Variants in CD84 observed in about 807,000 individuals in gnomAD.
CD84 encodes the protein CD84 molecule.
CD84 carries 22 observed loss-of-function variants against 33.8 expected under a neutral mutation model. The ratio of observed to expected loss-of-function variants is 0.65; its 90% confidence interval spans 0.46 to 0.93. CD84 has a LOEUF of 0.93. Among genes scored for constraint, CD84 ranks in the 40% least tolerant of loss-of-function variants. The pLI, the probability that CD84 is intolerant of heterozygous loss-of-function variation, is 0.00. For synonymous variants in CD84, 154 were observed against 145.2 expected, an observed-to-expected ratio of 1.06 and a Z score of -0.44; for missense variants, 400 against 397.6, an observed-to-expected ratio of 1.01 and a Z score of -0.05.
chr1:160,548,022 T>A lies in CD84; in HGVS notation c.*234A>T. ...AGAAGTTTGGGAAAACTATACTAGG[T>A]AACCTGCTTTGTCATTCATTCAGAA... On this transcript the variant is annotated 3_prime_UTR_variant, in exon 7 of 7. Coordinates refer to ENST00000368054, the MANE Select transcript of CD84 (RefSeq NM_003874.4). 3.6e-6 allele frequency: 2 copies of A among 558,066 alleles called. No homozygotes were observed. Among genetic ancestry groups the A allele is most frequent in the Admixed American group, 6.2e-5 (2 of 32,492 alleles). 34.6% of individuals were successfully genotyped at this position (558,066 alleles called of 1,614,324 possible).
intron 1 of CD84, among the ~76,000 whole-genome samples, chr1:160,573,738 C>A (rs1402895985): frequency 1.3e-5 from 2 of 152,138 alleles, no homozygotes; most frequent in African/African-American, 4.8e-5. Flanking sequence ...ATTGCCTGTG[C>A]TTATTTATTG....
In CD84 at chr1:160,553,433, C is replaced by A. The variant is rs1445436686; in HGVS notation, c.705G>T (p.Leu235=). 3 of 1,613,986 alleles carry A rather than the reference C, an allele frequency of 1.9e-6. No homozygotes were observed. The Admixed American group carries it at 5.0e-5, about 27-fold the overall frequency. ...GLLSVLAMFF[L]LVLILSSVFL... is the part of the protein sequence containing the mutation. ...ACACTGAAGACAGAATGAGAACAAG[C>A]AGAAAGAACATAGCCAGCACGCTCA... is the stretch of plus-strand genomic sequence containing the variant. Residue 235 remains leucine, a synonymous_variant, in exon 4 of 7, where the codon CTG becomes CTT. Coordinates refer to ENST00000368054, the MANE Select transcript of CD84 (RefSeq NM_003874.4).
chr1:160,551,216 C>G (rs1321394005), intron 4 of CD84, 181 bp from the exon 5 acceptor site: 1 of 591,866 alleles, frequency 1.7e-6, no homozygotes, highest in South Asian at 1.9e-5. Flanking sequence ...GCTGAGGCCT[C>G]ACCCACAGGT....
Position 160,550,812 on chromosome 1 carries a change from G to A in CD84, c.858+126C>T, listed in dbSNP as rs982187034. 6.2e-5 allele frequency: 96 copies of A among 1,537,650 alleles called. No individual in the cohort carries two copies. The African/African-American group carries it at 1.2e-3, about 19-fold the overall frequency. ...CACTTCCCTGACATGGTATTTCCTG[G>A]TTGGAACCTCTGGACTCTTGGCCGT... On this transcript the variant is annotated intron_variant, in intron 5 of 6. Coordinates refer to ENST00000368054, the MANE Select transcript of CD84 (RefSeq NM_003874.4).
intron 5 of CD84, 88 bp from the exon 6 acceptor site, chr1:160,550,067 TC>T: frequency 1.1e-6 from 1 of 908,548 alleles, no homozygotes. Flanking sequence ...CCACCATCCT[TC>T]CCTGGTCCCA....
intron 1 of CD84, among the ~76,000 whole-genome samples, chr1:160,575,615 G>GA (rs972689711): frequency 6.6e-6 from 1 of 151,872 alleles, no homozygotes; most frequent in Non-Finnish European, 1.5e-5. Flanking sequence ...TATAACAAAG[G>GA]AAACAAGAGT....
At chr1:160,575,560 G>A (rs759778670) in intron 1 of CD84, among the ~76,000 whole-genome samples, 7 of 151,486 alleles carry the variant, frequency 4.6e-5, no homozygotes, top group Admixed American at 3.9e-4. Flanking sequence ...ATAGCCATCC[G>A]TTTTAACATT....
In CD84 at chr1:160,553,824, C is replaced by T. The variant is rs780686040; in HGVS notation, c.640+71G>A. On this transcript the variant is annotated intron_variant, in intron 3 of 6. Coordinates refer to ENST00000368054, the MANE Select transcript of CD84 (RefSeq NM_003874.4). ...GCACATCTCCCTAGAGAATGTGGCC[C>T]ACGTTCAGACCTTGCAGCTCCTCAG... 8.7e-6 allele frequency: 14 copies of T among 1,608,510 alleles called. No individual in the cohort carries two copies. In the Admixed American group the frequency reaches 1.5e-4, roughly 17 times the overall value.
chr1:160,551,078 GT>G (rs572194057), intron 4 of CD84, 43 bp from the exon 5 acceptor site: 21 of 1,436,018 alleles, frequency 1.5e-5, no homozygotes, highest in African/African-American at 8.4e-5. Flanking sequence ...GTGAAAGGTG[GT>G]TTTTTTAGCA....
chr1:160,567,964 T>A lies in CD84; in HGVS notation c.47-2219A>T, dbSNP rs1657430731. On this transcript the variant is annotated intron_variant, in intron 1 of 6. Coordinates refer to ENST00000368054, the MANE Select transcript of CD84 (RefSeq NM_003874.4). ...TGCGTTGCCACCTTTAAATTCTACA[T>A]ACTATTTAAACAAGGGGCCCTCCAT... is the stretch of plus-strand genomic sequence containing the variant. Among the ~76,000 whole-genome samples the A allele has an allele frequency of 2.0e-5, 3 of 152,094 alleles. No homozygotes were observed. The South Asian group carries it at 6.2e-4, about 32-fold the overall frequency.
Position 160,544,131 on chromosome 1 carries a change from C to T in CD84, c.*4125G>A, listed in dbSNP as rs1655687327. On this transcript the variant is annotated 3_prime_UTR_variant, in exon 7 of 7. Coordinates refer to ENST00000368054, the MANE Select transcript of CD84 (RefSeq NM_003874.4). ...CACTCATTATATTTCCTCTTATTGT[C>T]TTTGTTCTTCAAACTTTTTTTTTTT... The T allele has an allele frequency of 6.9e-6, 1 of 145,816 alleles. No homozygotes were observed. Among genetic ancestry groups the T allele is most frequent in the Admixed American group, 7.0e-5 (1 of 14,312 alleles). 9.0% of individuals were successfully genotyped at this position (145,816 alleles called of 1,614,324 possible).
intron 6 of CD84, among the ~76,000 whole-genome samples, chr1:160,549,049 C>T (rs1403150480): frequency 6.6e-6 from 1 of 152,094 alleles, no homozygotes; most frequent in Non-Finnish European, 1.5e-5. Flanking sequence ...TTCCCTCCTT[C>T]CCTCTCCTGA....
Position 160,548,254 on chromosome 1 carries a change from G to T in CD84, c.*2C>A. The T allele has an allele frequency of 2.5e-6, 4 of 1,614,142 alleles. No individual in the cohort carries two copies. Among genetic ancestry groups the T allele is most frequent in the Non-Finnish European group, 3.4e-6 (4 of 1,179,986 alleles). ...TCCAGAGGGAGAATTCAGCCCAGCAGCCTAGATCACAATTTCATAGCTTGA... is the reference window on the plus strand; with the variant it reads ...TCCAGAGGGAGAATTCAGCCCAGCATCCTAGATCACAATTTCATAGCTTGA... On this transcript the variant is annotated 3_prime_UTR_variant, in exon 7 of 7. Coordinates refer to ENST00000368054, the MANE Select transcript of CD84 (RefSeq NM_003874.4).
intron 4 of CD84, 100 bp downstream of exon 4, chr1:160,553,278 C>T (rs755928453): frequency 1.1e-5 from 17 of 1,600,498 alleles, no homozygotes; most frequent in Non-Finnish European, 1.5e-5. Flanking sequence ...GGCAGATTCC[C>T]TGGAACAATG....
chr1:160,558,355 G>A (rs901790716), intron 2 of CD84, among the ~76,000 whole-genome samples: 8 of 152,092 alleles, frequency 5.3e-5, no homozygotes, highest in African/African-American at 1.9e-4. Flanking sequence ...AGGCAATTAG[G>A]GTCTGGAGTG....
chr1:160,571,472 G>A (rs1657687210), intron 1 of CD84: 1 of 152,086 alleles, frequency 6.6e-6, no homozygotes, highest in Non-Finnish European at 1.5e-5. Context: ...CCCGTTACGA[G>A]GTTATTGATG....
At chr1:160,569,149 G>A (rs144198466) in intron 1 of CD84, among the ~76,000 whole-genome samples, 5 of 152,270 alleles carry the variant, frequency 3.3e-5, no homozygotes, top group Admixed American at 3.3e-4. Context: ...CCCTTATGAT[G>A]GCGTTGGTGA....
Position 160,548,140 on chromosome 1 carries a change from A to G in CD84, c.*116T>C. 1 of 1,054,702 alleles carries G rather than the reference A, an allele frequency of 9.5e-7. No individual in the cohort carries two copies. The highest frequency in any genetic ancestry group is 1.4e-6 in the Non-Finnish European group (1 of 690,986). 65.3% of individuals were successfully genotyped at this position (1,054,702 alleles called of 1,614,324 possible). A position where few individuals can be genotyped will look rare whatever the true frequency, so the allele number is the denominator to read the frequency against. On this transcript the variant is annotated 3_prime_UTR_variant, in exon 7 of 7. Transcript: ENST00000368054. ...TTTCCTGCTTTGCTTACAGGCTGAGATGTGGCAGTTTGCAATCTCCCAGTA... is the reference window on the plus strand; with the variant it reads ...TTTCCTGCTTTGCTTACAGGCTGAGGTGTGGCAGTTTGCAATCTCCCAGTA...
chr1:160,546,736 A>AT lies in CD84; in HGVS notation c.*1519dup, dbSNP rs2102114752. ...CTTCAGCCCTGCCCCCTCATAAGGT[A>AT]TTTTTCTGACTGTTCATGCTATTAC... On this transcript the variant is annotated 3_prime_UTR_variant, in exon 7 of 7. Transcript: ENST00000368054. 1 of 162,560 alleles carries AT rather than the reference A, an allele frequency of 6.2e-6. No individual in the cohort carries two copies. Among genetic ancestry groups the AT allele is most frequent in the East Asian group, 1.7e-4 (1 of 5,816 alleles). 10.1% of individuals were successfully genotyped at this position (162,560 alleles called of 1,614,324 possible). A position where few individuals can be genotyped will look rare whatever the true frequency, so the allele number is the denominator to read the frequency against.
Sources: gnomAD v4.1 joint callset for allele counts (sites outside exome capture counted in the v4.1 genomes callset) on GRCh38, gnomAD v4.1.1 for gene constraint, MANE v1.5 for transcripts, NCBI Gene and HGNC (gene_info 2026-07-23, HGNC 2026-07-21) for gene names.